The following ZDHHC11 variants were observed in gnomAD, a reference collection of about 807,000 sequenced individuals.
ZDHHC11 encodes zDHHC palmitoyltransferase 11, also known as palmitoyltransferase ZDHHC11.
Under a neutral mutation model 51.3 loss-of-function variants are expected in ZDHHC11, and 44 were observed. That is an observed-to-expected ratio of 0.86 (90% CI 0.67 to 1.10). The LOEUF (loss-of-function observed/expected upper bound fraction) is 1.10, where lower values mean the gene tolerates loss of function less well. Among genes scored for constraint, ZDHHC11 ranks in the 50% least tolerant of loss-of-function variants. The pLI is 0.00. For synonymous variants in ZDHHC11, 163 were observed against 222.0 expected, an observed-to-expected ratio of 0.73 and a Z score of 2.36; for missense variants, 400 against 537.7, an observed-to-expected ratio of 0.74 and a Z score of 2.53.
intron 4 of ZDHHC11, chr5:842,155 C>G: frequency 1.0e-6 from 1 of 986,356 alleles, no homozygotes. Context: ...GAGACACTGG[C>G]ACTGCCCTGT....
chr5:840,209 C>A, intron 5 of ZDHHC11: 1 of 697,008 alleles, frequency 1.4e-6, no homozygotes, highest in Non-Finnish European at 2.6e-6. Context: ...AAACTTGTTA[C>A]TTCAAGCACC....
chr5:829,885 A>C (rs1742857049), intron 7 of ZDHHC11, among the ~76,000 whole-genome samples: 2 of 151,386 alleles, frequency 1.3e-5, no homozygotes, highest in Non-Finnish European at 2.9e-5. Flanking sequence ...ATTAAAAACA[A>C]AAAATCAGAG....
At chr5:817,381 T>A (rs1740945357) in intron 10 of ZDHHC11, among the ~76,000 whole-genome samples, 1 of 151,524 alleles carries the variant, frequency 6.6e-6, no homozygotes, top group African/African-American at 2.4e-5. Context: ...TTTCCATATG[T>A]GTTTCCTTGA....
chr5:818,197 G>A (rs1405279397), intron 10 of ZDHHC11, among the ~76,000 whole-genome samples: 2 of 151,162 alleles, frequency 1.3e-5, no homozygotes, highest in African/African-American at 2.4e-5. Context: ...AGAGACCGAG[G>A]GGACTCACAA....
intron 3 of ZDHHC11, among the ~76,000 whole-genome samples, chr5:846,527 T>C (rs1746193808): frequency 6.9e-6 from 1 of 145,726 alleles, no homozygotes; most frequent in South Asian, 2.2e-4. Context: ...GCCTCCACCG[T>C]GCTCAGGGGA....
chr5:842,794 A>G, intron 4 of ZDHHC11: 2 of 761,858 alleles, frequency 2.6e-6, no homozygotes, highest in Non-Finnish European at 3.2e-6. Context: ...CTGCCTCCGC[A>G]GGGTCCAGGG....
chr5:844,481 A>G (rs1022137309), intron 3 of ZDHHC11, among the ~76,000 whole-genome samples: 3 of 152,136 alleles, frequency 2.0e-5, no homozygotes, highest in African/African-American at 7.2e-5. Flanking sequence ...GCACCTCCCG[A>G]CTCCACCTGA....
chr5:855,556 T>C (rs1265019754), upstream of ZDHHC11, among the ~76,000 whole-genome samples: 24 of 81,200 alleles, frequency 3.0e-4, no homozygotes, highest in Non-Finnish European at 4.3e-4. Context: ...ACAGACCCCA[T>C]GGAGGACAGC....
chr5:808,639 G>C (rs201435253), intron 11 of ZDHHC11, among the ~76,000 whole-genome samples: 8 of 147,930 alleles, frequency 5.4e-5, no homozygotes, highest in Non-Finnish European at 1.1e-4. Context: ...AGGTTCAAGC[G>C]ATTCTCCTGC....
At chr5:800,906 C>A (rs1738319098) in intron 12 of ZDHHC11, among the ~76,000 whole-genome samples, 194 bp downstream of exon 12, 1 of 151,352 alleles carries the variant, frequency 6.6e-6, no homozygotes, top group South Asian at 2.1e-4. Context: ...ACTCTCACAG[C>A]TCGGCTGCCA....
At position 819,954 on chromosome 5, in the gene ZDHHC11, G is replaced by A. The variant is rs185258806; in HGVS notation, c.1059-342C>T. Reference sequence around the variant, plus strand: ...GTCTACACTGGGCTACAAGGTGACTGTAATTTTATAAAACAGCACATCATA... The same window carrying A: ...GTCTACACTGGGCTACAAGGTGACTATAATTTTATAAAACAGCACATCATA... On this transcript the variant is annotated intron_variant, in intron 9 of 12. Transcript: ENST00000283441. Among the ~76,000 whole-genome samples, 6 of 151,474 alleles carry A rather than the reference G, an allele frequency of 4.0e-5. No individual in the cohort carries two copies. In the South Asian group the frequency reaches 8.4e-4, roughly 21 times the overall value.
rs555284189 is a variant in ZDHHC11 at position 831,024 on chromosome 5, T to C, written c.935+2749A>G. Among the ~76,000 whole-genome samples the C allele has an allele frequency of 4.0e-5, 6 of 150,574 alleles. No homozygotes were observed. In the East Asian group the frequency reaches 9.8e-4, roughly 25 times the overall value. On this transcript the variant is annotated intron_variant, in intron 7 of 12. Coordinates refer to ENST00000283441, the MANE Select transcript of ZDHHC11 (RefSeq NM_024786.3). ...ACCTGAAAGCAAAATCTACAAGATA[T>C]CATCAGAAAAACTTTTGTAGGCATT...
At chr5:846,816 G>T (rs780049864) in intron 3 of ZDHHC11, among the ~76,000 whole-genome samples, 1 of 73,576 alleles carries the variant, frequency 1.4e-5, no homozygotes, top group African/African-American at 7.8e-5. Context: ...GGGGAAACAC[G>T]TCTCATCTGT....
intron 12 of ZDHHC11, among the ~76,000 whole-genome samples, chr5:797,687 T>C (rs1282768407): frequency 1.3e-5 from 2 of 151,636 alleles, no homozygotes; most frequent in Non-Finnish European, 2.9e-5. Context: ...ATTTCTGACT[T>C]TGTGTTTTCT....
At chr5:849,133 T>C (rs689033) in intron 1 of ZDHHC11, among the ~76,000 whole-genome samples, 8,533 of 151,898 alleles carry the variant, frequency 0.056, 269 homozygotes, top group African/African-American at 0.084. Flanking sequence ...CAGCCCTGCT[T>C]ACCCAGGCCT....
chr5:823,018 G>A (rs6883611), intron 8 of ZDHHC11, among the ~76,000 whole-genome samples: 3,492 of 148,866 alleles, frequency 0.023, 110 homozygotes, highest in African/African-American at 0.079. Context: ...GAGTTTTCAT[G>A]GTTCTTTAAA....
intron 4 of ZDHHC11, among the ~76,000 whole-genome samples, chr5:842,925 A>G (rs572837169): frequency 6.6e-6 from 1 of 152,336 alleles, no homozygotes; most frequent in Non-Finnish European, 1.5e-5. Context: ...CCTTTCTCTT[A>G]CAAGCACACT....
chr5:825,113 T>C (rs536301006), intron 8 of ZDHHC11, 51 bp downstream of exon 8: 10 of 1,559,784 alleles, frequency 6.4e-6, no homozygotes, highest in African/African-American at 1.3e-5. Flanking sequence ...AGACCACATA[T>C]TCTGCACACG....
chr5:832,221 G>A (rs1376057057), intron 7 of ZDHHC11, among the ~76,000 whole-genome samples: 1 of 108,770 alleles, frequency 9.2e-6, no homozygotes, highest in South Asian at 2.6e-4. Flanking sequence ...ACCAAACATC[G>A]TAGTATCTCA....
Sources: gnomAD v4.1 joint callset for allele counts (sites outside exome capture counted in the v4.1 genomes callset) on GRCh38, gnomAD v4.1.1 for gene constraint, MANE v1.5 for transcripts, NCBI Gene and HGNC (gene_info 2026-07-23, HGNC 2026-07-21) for gene names.